The following SEC13 variants were observed in gnomAD, a reference collection of about 807,000 sequenced individuals.
SEC13 encodes the protein protein SEC13 homolog.
A neutral mutation model predicts 49.2 loss-of-function variants in SEC13; 25 were observed. The observed-to-expected ratio is 0.51, with a 90% CI of 0.37 to 0.71. SEC13 has a LOEUF of 0.71. Among genes scored for constraint, SEC13 ranks in the 30% least tolerant of loss-of-function variants. The pLI is 0.00. For missense variants in SEC13, 383 were observed against 417.6 expected (o/e 0.92, Z 0.72); for synonymous variants, 148 against 163.9 (o/e 0.90, Z 0.74).
rs376822978 is a variant in SEC13 at position 10,311,915 on chromosome 3, C to T, written c.450+50G>A. 136 of 1,613,964 alleles carry T rather than the reference C, an allele frequency of 8.4e-5. No individual in the cohort carries two copies. In the East Asian group the frequency reaches 1.9e-3, roughly 22 times the overall value. ...CCCTCTAGGGAGGCTGCAGCAGACA[C>T]GGGGCAAGGCAGGCGCTCTCACTGC... On this transcript the variant is annotated intron_variant, in intron 5 of 8. Transcript: ENST00000350697.
Position 10,300,963 on chromosome 3 carries a change from G to T in SEC13, c.*298C>A. Reference sequence around the variant, plus strand: ...CAATATGACTTTATTTAGTTCCTTTGGAAACAAAACCCCCCAAATAATGCC... The same window carrying T: ...CAATATGACTTTATTTAGTTCCTTTTGAAACAAAACCCCCCAAATAATGCC... On this transcript the variant is annotated 3_prime_UTR_variant, in exon 9 of 9. Coordinates refer to ENST00000350697, the MANE Select transcript of SEC13 (RefSeq NM_183352.3). 1 of 998,096 alleles carries T rather than the reference G, an allele frequency of 1.0e-6. No individual in the cohort carries two copies. The highest frequency in any genetic ancestry group is 1.5e-6 in the Non-Finnish European group (1 of 662,982). The allele number at this position is 998,096 out of a possible 1,614,324, so 61.8% of individuals were successfully genotyped here.
chr3:10,318,045 C>T lies in SEC13; in HGVS notation c.48+5G>A. ...CCCTCCAGGGAGGGTGATATTAATA[C>T]TTACAATCATGTCCTCATGGGAGGT... On this transcript the variant is annotated splice_donor_5th_base_variant and intron_variant, in intron 2 of 8. Coordinates refer to ENST00000350697, the MANE Select transcript of SEC13 (RefSeq NM_183352.3). 6.3e-7 allele frequency: 1 copy of T among 1,595,722 alleles called. No individual in the cohort carries two copies. The highest frequency in any genetic ancestry group is 8.6e-7 in the Non-Finnish European group (1 of 1,163,868).
At chr3:10,307,976 T>A (rs1033573951) in intron 5 of SEC13, among the ~76,000 whole-genome samples, 5 of 152,202 alleles carry the variant, frequency 3.3e-5, no homozygotes, top group African/African-American at 1.2e-4. Flanking sequence ...TATCCTCTAG[T>A]AGATTTCTCA....
chr3:10,313,398 T>C (rs1559498667), intron 3 of SEC13: 2 of 529,782 alleles, frequency 3.8e-6, no homozygotes, highest in Non-Finnish European at 7.8e-6. Flanking sequence ...TCCCATTCAC[T>C]AGCTCTTGAC....
chr3:10,318,909 A>C (rs1362828081), intron 1 of SEC13, among the ~76,000 whole-genome samples: 1 of 152,252 alleles, frequency 6.6e-6, no homozygotes, highest in Middle Eastern at 3.2e-3. Context: ...CCCCACTAGA[A>C]GGTGAGCTCC....
chr3:10,310,920 CTT>C (rs758707260), intron 5 of SEC13, among the ~76,000 whole-genome samples: 3 of 152,008 alleles, frequency 2.0e-5, no homozygotes, highest in African/African-American at 4.8e-5. Context: ...ATGGATGAAA[CTT>C]GAACTCATTA....
At chr3:10,304,881 C>T in intron 7 of SEC13, 152 bp downstream of exon 7, 3 of 1,137,920 alleles carry the variant, frequency 2.6e-6, no homozygotes, top group Non-Finnish European at 3.8e-6. Flanking sequence ...CCAAGACTTC[C>T]CCACACAATG....
intron 8 of SEC13, among the ~76,000 whole-genome samples, chr3:10,302,480 G>A (rs1364124774): frequency 6.6e-6 from 1 of 152,142 alleles, no homozygotes; most frequent in Non-Finnish European, 1.5e-5. Context: ...ACAGTGACGG[G>A]CCCCACAACA....
chr3:10,315,210 G>T, intron 3 of SEC13, 111 bp downstream of exon 3: 1 of 765,820 alleles, frequency 1.3e-6, no homozygotes, highest in Non-Finnish European at 2.2e-6. Flanking sequence ...CGCTAAATGT[G>T]CTTTGGGGTT....
intron 5 of SEC13, among the ~76,000 whole-genome samples, chr3:10,309,704 CATT>C (rs1701130719): frequency 6.6e-6 from 1 of 152,218 alleles, no homozygotes; most frequent in Non-Finnish European, 1.5e-5. Flanking sequence ...AATGTGCTCT[CATT>C]GTCCGCAGGG....
intron 5 of SEC13, among the ~76,000 whole-genome samples, chr3:10,310,164 A>G (rs1186510884): frequency 6.6e-6 from 1 of 152,144 alleles, no homozygotes; most frequent in East Asian, 1.9e-4. Context: ...GAAGATGCTC[A>G]CCATCATCTT....
chr3:10,304,968 G>A, intron 7 of SEC13, 65 bp downstream of exon 7: 1 of 1,610,270 alleles, frequency 6.2e-7, no homozygotes, highest in Non-Finnish European at 8.5e-7. Context: ...CTGCTAAGGA[G>A]ACTAAGAGCT....
chr3:10,302,039 C>T lies in SEC13; in HGVS notation c.856-665G>A, dbSNP rs538671992. On this transcript the variant is annotated intron_variant, in intron 8 of 8. Coordinates refer to ENST00000350697, the MANE Select transcript of SEC13 (RefSeq NM_183352.3). ...GGTGGATCACCTGAGGCCAGGAGTT[C>T]GCGACCAGCCTGAACTGGTGAAACC... 9.2e-5 allele frequency among the ~76,000 whole-genome samples: 14 copies of T among 152,056 alleles called. No individual in the cohort carries two copies. The East Asian group carries it at 1.2e-3, about 13-fold the overall frequency.
Position 10,305,587 on chromosome 3 carries a change from C to A in SEC13, c.556G>T (p.Gly186Cys). Reference protein sequence around the residue: ...PNYIKRFASGGCDNLIKLWKE... With the variant: ...PNYIKRFASGCCDNLIKLWKE... ...CACAGCTTGATGAGGTTGTCACAGC[C>A]ACCTGATGCAAACCTCTTGATGTAA... Residue 186 changes from glycine (G) to cysteine (C), a missense_variant, in exon 6 of 9, where the codon GGC becomes TGC. Coordinates refer to ENST00000350697, the MANE Select transcript of SEC13 (RefSeq NM_183352.3). The A allele has an allele frequency of 6.2e-7, 1 of 1,614,112 alleles. No individual in the cohort carries two copies. The highest frequency in any genetic ancestry group is 8.5e-7 in the Non-Finnish European group (1 of 1,180,036).
chr3:10,305,816 G>T, intron 5 of SEC13, 124 bp from the exon 6 acceptor site: 1 of 1,023,172 alleles, frequency 9.8e-7, no homozygotes, highest in Non-Finnish European at 1.4e-6. Context: ...CTGACATGAA[G>T]CACTCATCAT....
chr3:10,307,650 C>G (rs1483349392), intron 5 of SEC13, among the ~76,000 whole-genome samples: 1 of 152,162 alleles, frequency 6.6e-6, no homozygotes, highest in African/African-American at 2.4e-5. Flanking sequence ...ATCAAGAGAA[C>G]AGCATGGAAA....
At position 10,305,131 on chromosome 3, in the gene SEC13, C is replaced by T; in HGVS notation, c.610G>A (p.Glu204Lys). Residue 204 changes from glutamate to lysine, a missense_variant, in exon 7 of 9, where the codon GAG (glutamate) becomes AAG (lysine). Transcript: ENST00000350697. ...CTGTGCGCTTCTAGCTTCTGCTCCT[C>T]CTTCCACTGGCCGTCCTCCTCCTCC... ...WKEEEDGQWKEEQKLEAHSDW... is the reference protein window; with the variant it reads ...WKEEEDGQWKKEQKLEAHSDW... 6.2e-7 allele frequency: 1 copy of T among 1,613,502 alleles called. No individual in the cohort carries two copies. Among genetic ancestry groups the T allele is most frequent in the South Asian group, 1.1e-5 (1 of 90,988 alleles).
intron 5 of SEC13, chr3:10,311,594 A>T (rs703915): frequency 0.16 from 154,704 of 989,060 alleles, 13,283 homozygotes; most frequent in East Asian, 0.4. Flanking sequence ...AATCTTTCTT[A>T]AATGTATGCA....
Position 10,300,972 on chromosome 3 carries a change from A to ACCCCCCAAATAAT in SEC13, c.*276_*288dup. On this transcript the variant is annotated 3_prime_UTR_variant, in exon 9 of 9. Coordinates refer to ENST00000350697, the MANE Select transcript of SEC13 (RefSeq NM_183352.3). ...TTTATTTAGTTCCTTTGGAAACAAA[A>ACCCCCCAAATAAT]CCCCCCAAATAATGCCTGAACCCAA... 9.3e-7 allele frequency: 1 copy of ACCCCCCAAATAAT among 1,077,948 alleles called. No homozygotes were observed. Among genetic ancestry groups the ACCCCCCAAATAAT allele is most frequent in the Non-Finnish European group, 1.4e-6 (1 of 732,750 alleles). 66.8% of individuals were successfully genotyped at this position (1,077,948 alleles called of 1,614,324 possible). A position where few individuals can be genotyped will look rare whatever the true frequency, so the allele number is the denominator to read the frequency against.
Sources: gnomAD v4.1 joint callset for allele counts (sites outside exome capture counted in the v4.1 genomes callset) on GRCh38, gnomAD v4.1.1 for gene constraint, MANE v1.5 for transcripts, NCBI Gene and HGNC (gene_info 2026-07-23, HGNC 2026-07-21) for gene names.